The following ERCC8 variants were observed in gnomAD, a reference collection of about 807,000 sequenced individuals.
The protein encoded by ERCC8 is DNA excision repair protein ERCC-8.
ERCC8 carries 52 observed loss-of-function variants against 54.9 expected under a neutral mutation model. The observed-to-expected ratio is 0.95, with a 90% CI of 0.76 to 1.19. ERCC8 has a LOEUF of 1.19. Ranked by LOEUF, ERCC8 falls within the 50% of genes most tolerant of loss-of-function variation. The pLI, the probability that ERCC8 is intolerant of heterozygous loss-of-function variation, is 0.00. For missense variants in ERCC8, 514 were observed against 466.1 expected (o/e 1.10, Z -0.95); for synonymous variants, 146 against 157.2 (o/e 0.93, Z 0.53).
chr5:60,868,141 T>C lies in ERCC8; in HGVS notation c.*6474A>G, dbSNP rs139771959. Among the ~76,000 whole-genome samples the C allele has an allele frequency of 2.1e-3, 316 of 152,292 alleles. 1 individual carries two copies. The highest frequency in any genetic ancestry group is 7.4e-3 in the African/African-American group (306 of 41,564). On this transcript the variant is annotated 3_prime_UTR_variant, in exon 12 of 12. Coordinates refer to ENST00000676185, the MANE Select transcript of ERCC8 (RefSeq NM_000082.4). The stretch of plus-strand genomic sequence containing the variant: ...GTTGCGGTGAGCTGAGGTCACACCA[T>C]TGCCCTCCAGCCTGGGCAACAAGAC...
chr5:60,877,730 A>T (rs1748059208), intron 11 of ERCC8, among the ~76,000 whole-genome samples: 1 of 152,196 alleles, frequency 6.6e-6, no homozygotes. Flanking sequence ...TTGTATCCTG[A>T]GACTTTGCTG....
chr5:60,918,624 TTC>T (rs1749510557), intron 3 of ERCC8: 8 of 499,038 alleles, frequency 1.6e-5, no homozygotes, highest in South Asian at 6.0e-5. Context: ...ATGTGAAAGA[TTC>T]TCTGTTTTTG....
intron 11 of ERCC8, among the ~76,000 whole-genome samples, chr5:60,874,927 T>C (rs1747954078): frequency 6.6e-6 from 1 of 152,188 alleles, no homozygotes; most frequent in South Asian, 2.1e-4. Context: ...CTTTAATCAC[T>C]TCACAAATAC....
chr5:60,919,689 T>A (rs2112519371), intron 3 of ERCC8: 2 of 152,158 alleles, frequency 1.3e-5, no homozygotes, highest in Middle Eastern at 6.8e-3. Context: ...ACAAATTGTA[T>A]AATACTGATA....
chr5:60,940,288 G>A (rs941652458), intron 1 of ERCC8, among the ~76,000 whole-genome samples: 4 of 152,210 alleles, frequency 2.6e-5, no homozygotes, highest in Non-Finnish European at 4.4e-5. Flanking sequence ...AAATGGCTAT[G>A]GCTACGCATA....
rs1189655875 is a variant in ERCC8, at chr5:60,874,342, T to C, written c.*273A>G. The C allele has an allele frequency of 5.3e-6, 2 of 374,034 alleles. No individual in the cohort carries two copies. Among genetic ancestry groups the C allele is most frequent in the Admixed American group, 8.7e-5 (2 of 23,066 alleles). The allele number at this position is 374,034 out of a possible 1,614,324, so 23.2% of individuals were successfully genotyped here. A position where few individuals can be genotyped will look rare whatever the true frequency, so the allele number is the denominator to read the frequency against. On this transcript the variant is annotated 3_prime_UTR_variant, in exon 12 of 12. Coordinates refer to ENST00000676185, the MANE Select transcript of ERCC8 (RefSeq NM_000082.4). ...CATAAAATCTGCTGAAGGTCACAAC[T>C]GAGGTACAACGACTTGTGTTACTTG...
rs935701408 is a variant in ERCC8 at position 60,874,625 on chromosome 5, T to A, written c.1181A>T (p.Glu394Val). 2 of 1,613,566 alleles carry A rather than the reference T, an allele frequency of 1.2e-6. No individual in the cohort carries two copies. The highest frequency in any genetic ancestry group is 1.7e-6 in the Non-Finnish European group (2 of 1,179,838). The change falls in exon 12 of 12, where the codon GAA becomes GTA. Residue 394 changes from glutamate (E) to valine (V), a missense_variant. Coordinates refer to ENST00000676185, the MANE Select transcript of ERCC8 (RefSeq NM_000082.4). The part of the protein sequence containing the change: ...AFEDAWSSSD[E>V]EG ...TACTAAAGATGATATTCATCCTTCT[T>A]CATCACTGCTGCTCCAGGCATCTTC...
Position 60,875,963 on chromosome 5 carries a change from T to C in ERCC8, c.1123-1280A>G, listed in dbSNP as rs4647142. 7.5e-3 allele frequency among the ~76,000 whole-genome samples: 1,146 copies of C among 152,272 alleles called. 13 individuals are homozygous for C. The highest frequency in any genetic ancestry group is 0.026 in the African/African-American group (1,085 of 41,538). ...TGCAGGTTTGTCACATATGTATACA[T>C]GTGCCATGTTGGTGTGCTGCACCCA... On this transcript the variant is annotated intron_variant, in intron 11 of 11. Coordinates refer to ENST00000676185, the MANE Select transcript of ERCC8 (RefSeq NM_000082.4).
chr5:60,891,023 A>C lies in ERCC8; in HGVS notation c.907T>G (p.Cys303Gly), dbSNP rs1748531834. 6.2e-7 allele frequency: 1 copy of C among 1,613,368 alleles called. No individual in the cohort carries two copies. The highest frequency in any genetic ancestry group is 1.7e-5 in the Admixed American group (1 of 59,996). ...KGLKFTVSCGCSSEFVFVPYG... is the reference protein window; with the variant it reads ...KGLKFTVSCGGSSEFVFVPYG... ...GGTACAAAAACAAATTCTGAACTGCAGCCACAGGAGACAGTGAATTTCAAT... is the reference window on the plus strand; with the variant it reads ...GGTACAAAAACAAATTCTGAACTGCCGCCACAGGAGACAGTGAATTTCAAT... Residue 303 changes from cysteine (C) to glycine (G), a missense_variant, in exon 10 of 12, where the codon TGC becomes GGC. Cys to Gly is a radical substitution (Grantham distance 159). Coordinates refer to ENST00000676185, the MANE Select transcript of ERCC8 (RefSeq NM_000082.4).
intron 4 of ERCC8, among the ~76,000 whole-genome samples, chr5:60,909,351 G>A: frequency 6.8e-6 from 1 of 147,064 alleles, no homozygotes; most frequent in Admixed American, 6.9e-5. Context: ...AGTGGAAGAA[G>A]GTTCAGTACT....
chr5:60,943,204 G>A (rs986431841), intron 1 of ERCC8, among the ~76,000 whole-genome samples: 1 of 152,038 alleles, frequency 6.6e-6, no homozygotes, highest in African/African-American at 2.4e-5. Flanking sequence ...CTGGAAAGTC[G>A]AGGCTGCAGT....
At chr5:60,943,564 T>C (rs1380032413) in intron 1 of ERCC8, among the ~76,000 whole-genome samples, 1 of 152,250 alleles carries the variant, frequency 6.6e-6, no homozygotes, top group Non-Finnish European at 1.5e-5. Flanking sequence ...TTGTTATTAA[T>C]ATTTCTGTGC....
In ERCC8 at chr5:60,866,735, T is replaced by A. The variant is rs1747756775; in HGVS notation, c.*7880A>T. 6.6e-6 allele frequency: 1 copy of A among 152,228 alleles called. No homozygotes were observed. Among genetic ancestry groups the A allele is most frequent in the Non-Finnish European group, 1.5e-5 (1 of 68,042 alleles). 9.4% of individuals were successfully genotyped at this position (152,228 alleles called of 1,614,324 possible). A position where few individuals can be genotyped will look rare whatever the true frequency, so the allele number is the denominator to read the frequency against. On this transcript the variant is annotated 3_prime_UTR_variant, in exon 12 of 12. Transcript: ENST00000676185. ...CTTTAATTATAATTAGTTTAGAACC[T>A]AAGCCTCTAATTATTTATGCATACC...
At chr5:60,930,504 C>T (rs1485729863) in intron 1 of ERCC8, among the ~76,000 whole-genome samples, 1 of 152,040 alleles carries the variant, frequency 6.6e-6, no homozygotes, top group South Asian at 2.1e-4. Context: ...TTGCAGTAAG[C>T]CGAGATCACA....
chr5:60,938,521 T>G (rs1750160987), intron 1 of ERCC8, among the ~76,000 whole-genome samples: 1 of 151,370 alleles, frequency 6.6e-6, no homozygotes, highest in African/African-American at 2.4e-5. Context: ...ACCCGGCTAA[T>G]TTTTGTATTT....
chr5:60,909,397 A>G lies in ERCC8; in HGVS notation c.400-4524T>C, dbSNP rs546852010. 3.9e-5 allele frequency among the ~76,000 whole-genome samples: 6 copies of G among 152,198 alleles called. No homozygotes were observed. The East Asian group carries it at 1.2e-3, about 29-fold the overall frequency. On this transcript the variant is annotated intron_variant, in intron 4 of 11. Transcript: ENST00000676185. ...CATTTTTAGAGAAATACAGCAGAACACACAAAAATTACGATGTATTTCCAT... is the reference window on the plus strand; with the variant it reads ...CATTTTTAGAGAAATACAGCAGAACGCACAAAAATTACGATGTATTTCCAT...
intron 4 of ERCC8, among the ~76,000 whole-genome samples, chr5:60,917,317 C>T (rs143157714): frequency 2.2e-4 from 34 of 151,560 alleles, no homozygotes; most frequent in African/African-American, 7.1e-4. Context: ...ATTCAAAACA[C>T]GATCAGTTTA....
Position 60,869,739 on chromosome 5 carries a change from G to C in ERCC8, c.*4876C>G, listed in dbSNP as rs956531633. Among the ~76,000 whole-genome samples, 5 of 152,106 alleles carry C rather than the reference G, an allele frequency of 3.3e-5. No homozygotes were observed. The highest frequency in any genetic ancestry group is 1.3e-4 in the Admixed American group (2 of 15,266). ...AGATTTATGGCTATGTTAATAAAAT[G>C]TGCATTTATTATTTCTACATATTTT... On this transcript the variant is annotated 3_prime_UTR_variant, in exon 12 of 12. Transcript: ENST00000676185.
At chr5:60,916,571 A>C (rs954317631) in intron 4 of ERCC8, among the ~76,000 whole-genome samples, 4 of 152,044 alleles carry the variant, frequency 2.6e-5, no homozygotes, top group Non-Finnish European at 4.4e-5. Flanking sequence ...CATGACATTC[A>C]TTTAATTGTT....
Sources: gnomAD v4.1 joint callset for allele counts (sites outside exome capture counted in the v4.1 genomes callset) on GRCh38, gnomAD v4.1.1 for gene constraint, MANE v1.5 for transcripts, NCBI Gene and HGNC (gene_info 2026-07-23, HGNC 2026-07-21) for gene names.